Variants in TECPR2 observed in about 807,000 individuals in gnomAD.
TECPR2 encodes tectonin beta-propeller repeat-containing protein 2.
In TECPR2, 65 loss-of-function variants were observed where a neutral mutation model predicts 138.1. The ratio of observed to expected loss-of-function variants is 0.47; its 90% confidence interval spans 0.39 to 0.58. The LOEUF (loss-of-function observed/expected upper bound fraction) is 0.58. Ranked by LOEUF, TECPR2 falls within the 20% of genes least tolerant of loss-of-function variation. The pLI is 0.00. For synonymous variants in TECPR2, 746 were observed against 749.8 expected (o/e 0.99, Z 0.08); for missense variants, 1,553 against 1,824.5 (o/e 0.85, Z 2.71).
At chr14:102,495,675 T>A (rs1891260684) in intron 17 of TECPR2, among the ~76,000 whole-genome samples, 1 of 152,234 alleles carries the variant, frequency 6.6e-6, no homozygotes, top group Non-Finnish European at 1.5e-5. Flanking sequence ...CTGGTGGTGA[T>A]GTGCCGACAA....
intron 17 of TECPR2, among the ~76,000 whole-genome samples, chr14:102,471,541 C>CA (rs879723281): frequency 9.8e-4 from 136 of 138,552 alleles, no homozygotes; most frequent in South Asian, 1.4e-3. Context: ...TCATCTCTAC[C>CA]AAAAAAAAAA....
At chr14:102,374,777 C>G (rs1294250329) in intron 1 of TECPR2, among the ~76,000 whole-genome samples, 2 of 152,186 alleles carry the variant, frequency 1.3e-5, no homozygotes, top group East Asian at 3.8e-4. Flanking sequence ...GCAGTTCTCC[C>G]ACCTTGGCCT....
intron 5 of TECPR2, among the ~76,000 whole-genome samples, chr14:102,422,524 T>C (rs1889213416): frequency 6.6e-6 from 1 of 152,188 alleles, no homozygotes; most frequent in Admixed American, 6.5e-5. Context: ...TCAAGAAGGA[T>C]AAATCTGAGA....
chr14:102,366,562 G>A (rs1266599431), intron 1 of TECPR2, among the ~76,000 whole-genome samples: 1 of 152,100 alleles, frequency 6.6e-6, no homozygotes, highest in African/African-American at 2.4e-5. Flanking sequence ...GGCCAGACTG[G>A]TCTCGAACTC....
At chr14:102,483,966 CT>C (rs1890959504) in intron 17 of TECPR2, among the ~76,000 whole-genome samples, 1 of 18,064 alleles carries the variant, frequency 5.5e-5, no homozygotes, top group African/African-American at 4.5e-4. Context: ...CTGGCTGATT[CT>C]TATATTTTCA....
In TECPR2 at chr14:102,465,123, ACTTTT is replaced by A; in HGVS notation, c.3641-13_3641-9del. 8 of 1,613,724 alleles carry A rather than the reference ACTTTT, an allele frequency of 5.0e-6. No homozygotes were observed. The highest frequency in any genetic ancestry group is 6.8e-6 in the Non-Finnish European group (8 of 1,179,708). ...GTACAAAAGTAATTATAGTGTGTGT[ACTTTT>A]CTTTATCTACAGGAGCTGTAAAATT... On this transcript the variant is annotated splice_polypyrimidine_tract_variant and intron_variant, in intron 16 of 19. Coordinates refer to ENST00000359520, the MANE Select transcript of TECPR2 (RefSeq NM_014844.5).
chr14:102,445,205 G>T (rs1323460524), intron 12 of TECPR2, among the ~76,000 whole-genome samples: 1 of 152,246 alleles, frequency 6.6e-6, no homozygotes, highest in Non-Finnish European at 1.5e-5. Context: ...CCTTGAAGCT[G>T]ACGAGGACTT....
chr14:102,458,687 C>A (rs1890332406), intron 16 of TECPR2, among the ~76,000 whole-genome samples: 1 of 152,076 alleles, frequency 6.6e-6, no homozygotes, highest in African/African-American at 2.4e-5. Flanking sequence ...TGCTTCTCTT[C>A]CTGGGGCCTA....
chr14:102,448,239 C>T (rs906977183), intron 13 of TECPR2, among the ~76,000 whole-genome samples: 1 of 152,078 alleles, frequency 6.6e-6, no homozygotes, highest in Non-Finnish European at 1.5e-5. Context: ...GGATTACAGG[C>T]GTGAGCCACT....
At chr14:102,393,336 C>T (rs1202775930) in intron 2 of TECPR2, among the ~76,000 whole-genome samples, 1 of 152,164 alleles carries the variant, frequency 6.6e-6, no homozygotes, top group East Asian at 1.9e-4. Flanking sequence ...ATTAAAGCCT[C>T]ATATTCTATT....
At chr14:102,467,983 T>C (rs567071827) in intron 17 of TECPR2, among the ~76,000 whole-genome samples, 17 of 151,210 alleles carry the variant, frequency 1.1e-4, no homozygotes, top group African/African-American at 3.9e-4. Flanking sequence ...ATTACAGACA[T>C]GTGCCTCCAC....
At chr14:102,471,054 T>G (rs1378552463) in intron 17 of TECPR2, among the ~76,000 whole-genome samples, 2 of 152,086 alleles carry the variant, frequency 1.3e-5, no homozygotes, top group Admixed American at 1.3e-4. Context: ...CCTGACCTCA[T>G]GATCCACCTG....
intron 17 of TECPR2, among the ~76,000 whole-genome samples, chr14:102,474,981 C>T (rs916399439): frequency 6.6e-6 from 1 of 152,158 alleles, no homozygotes; most frequent in East Asian, 1.9e-4. Flanking sequence ...GTGGTTGTGC[C>T]GGGCCTCCTC....
chr14:102,458,966 C>CACAT lies in TECPR2; in HGVS notation c.3641-6174_3641-6173insCATA, dbSNP rs1260702159. ...TTCTTAAAAAAAAAAAAAATACACA[C>CACAT]ATATATATATATATATATATATATG... On this transcript the variant is annotated intron_variant, in intron 16 of 19. Coordinates refer to ENST00000359520, the MANE Select transcript of TECPR2 (RefSeq NM_014844.5). 4.5e-3 allele frequency among the ~76,000 whole-genome samples: 622 copies of CACAT among 138,368 alleles called. 5 individuals carry two copies. Among genetic ancestry groups the CACAT allele is most frequent in the Non-Finnish European group, 7.2e-3 (466 of 64,702 alleles). The allele number at this position is 138,368 out of a possible 152,430, so 90.8% of individuals were successfully genotyped here.
At chr14:102,422,812 T>G (rs1889220530) in intron 5 of TECPR2, among the ~76,000 whole-genome samples, 1 of 152,210 alleles carries the variant, frequency 6.6e-6, no homozygotes, top group Non-Finnish European at 1.5e-5. Flanking sequence ...AGGTGTACCT[T>G]TCCTTGCTAG....
intron 17 of TECPR2, among the ~76,000 whole-genome samples, chr14:102,493,517 G>A (rs533925309): frequency 2.0e-5 from 3 of 152,228 alleles, no homozygotes; most frequent in Non-Finnish European, 2.9e-5. Flanking sequence ...TCCATGGAAT[G>A]GAAATGGATG....
intron 17 of TECPR2, among the ~76,000 whole-genome samples, chr14:102,493,786 C>T (rs780600716): frequency 6.6e-6 from 1 of 152,204 alleles, no homozygotes; most frequent in Non-Finnish European, 1.5e-5. Flanking sequence ...GCAGCACAGG[C>T]GCGGCTCCCT....
chr14:102,403,600 A>G (rs1028223502), intron 2 of TECPR2, among the ~76,000 whole-genome samples: 11 of 152,344 alleles, frequency 7.2e-5, no homozygotes, highest in African/African-American at 1.7e-4. Context: ...CTGTTTGCAG[A>G]TGACATGATC....
At chr14:102,495,546 G>A (rs1028761071) in intron 17 of TECPR2, among the ~76,000 whole-genome samples, 2 of 152,210 alleles carry the variant, frequency 1.3e-5, no homozygotes, top group African/African-American at 4.8e-5. Flanking sequence ...ACTCTGCAAA[G>A]CAGGGCTGGG....
Sources: gnomAD v4.1 joint callset for allele counts (sites outside exome capture counted in the v4.1 genomes callset) on GRCh38, gnomAD v4.1.1 for gene constraint, MANE v1.5 for transcripts, NCBI Gene and HGNC (gene_info 2026-07-23, HGNC 2026-07-21) for gene names.